TLL1: variants seen among roughly 807,000 people sequenced by gnomAD.
TLL1 encodes the protein tolloid-like protein 1.
In TLL1, 49 loss-of-function variants were observed where a neutral mutation model predicts 128.2. The observed-to-expected ratio is 0.38, with a 90% CI of 0.30 to 0.48. TLL1 has a LOEUF of 0.48. Among genes scored for constraint, TLL1 ranks in the 20% least tolerant of loss-of-function variants. The pLI, the probability that TLL1 is intolerant of heterozygous loss-of-function variation, is 0.96. For synonymous variants in TLL1, 454 were observed against 418.8 expected (o/e 1.08, Z -1.03); for missense variants, 1,123 against 1,242.0 (o/e 0.90, Z 1.44).
Position 166,104,094 on chromosome 4 carries a change from T to C in TLL1, c.*3218T>C, listed in dbSNP as rs920625603. 2.0e-5 allele frequency among the ~76,000 whole-genome samples: 3 copies of C among 151,938 alleles called. No homozygotes were observed. The highest frequency in any genetic ancestry group is 4.4e-5 in the Non-Finnish European group (3 of 67,912). On this transcript the variant is annotated 3_prime_UTR_variant, in exon 21 of 21. Coordinates refer to ENST00000061240, the MANE Select transcript of TLL1 (RefSeq NM_012464.5). ...ATGAGATTCAAATTCTGTTTAACTT[T>C]GTTTTAAAATAGCTTGGTCTCTTTT...
At chr4:165,967,137 G>A (rs1735423061) in intron 1 of TLL1, among the ~76,000 whole-genome samples, 1 of 152,168 alleles carries the variant, frequency 6.6e-6, no homozygotes, top group African/African-American at 2.4e-5. Flanking sequence ...ATTCGCTTTT[G>A]TAAGAAGAGA....
chr4:165,998,301 A>G (rs1188886041), intron 5 of TLL1, among the ~76,000 whole-genome samples: 2 of 152,118 alleles, frequency 1.3e-5, no homozygotes, highest in Non-Finnish European at 2.9e-5. Flanking sequence ...AGCTAAATAG[A>G]TTCTATTTAC....
chr4:165,880,692 C>T (rs1579435276), intron 1 of TLL1, among the ~76,000 whole-genome samples: 1 of 152,176 alleles, frequency 6.6e-6, no homozygotes, highest in African/African-American at 2.4e-5. Flanking sequence ...TATATTTACT[C>T]TCAGCATTTT....
intron 9 of TLL1, among the ~76,000 whole-genome samples, chr4:166,030,186 A>C (rs990825672): frequency 1.3e-5 from 2 of 152,108 alleles, no homozygotes; most frequent in African/African-American, 2.4e-5. Context: ...TAGCCATCCT[A>C]CTGGGTGTCA....
At chr4:166,003,296 A>G in intron 5 of TLL1, 95 bp from the exon 6 acceptor site, 1 of 1,260,364 alleles carries the variant, frequency 7.9e-7, no homozygotes, top group African/African-American at 1.5e-5. Context: ...GTCGGACTTT[A>G]TAGCTCATCA....
At chr4:165,936,203 TATA>T (rs1484381651) in intron 1 of TLL1, among the ~76,000 whole-genome samples, 1 of 144,176 alleles carries the variant, frequency 6.9e-6, no homozygotes, top group African/African-American at 2.6e-5. Context: ...TATATATATA[TATA>T]TTTTTTTTTC....
rs559505336 is a variant in TLL1, at chr4:166,021,722, C to T, written c.1043-3594C>T. Among the ~76,000 whole-genome samples, 104 of 152,252 alleles carry T rather than the reference C, an allele frequency of 6.8e-4. 1 individual carries two copies. The highest frequency in any genetic ancestry group is 2.2e-3 in the African/African-American group (92 of 41,566). ...CTGGGATTACAGGCGTAAGCCACCG[C>T]GCCTGGCCTATTTTTGCCCTCTTAG... On this transcript the variant is annotated intron_variant, in intron 8 of 20. Coordinates refer to ENST00000061240, the MANE Select transcript of TLL1 (RefSeq NM_012464.5).
chr4:166,050,807 T>A (rs959489842), intron 12 of TLL1, among the ~76,000 whole-genome samples: 2 of 152,196 alleles, frequency 1.3e-5, no homozygotes, highest in Non-Finnish European at 2.9e-5. Flanking sequence ...TTATTTTAGT[T>A]GTTGCTAAAT....
At chr4:166,065,567 T>G (rs1740530824) in intron 15 of TLL1, 116 bp from the exon 16 acceptor site, 17 of 1,128,212 alleles carry the variant, frequency 1.5e-5, no homozygotes, top group Non-Finnish European at 2.2e-5. Flanking sequence ...TACCTGTTAG[T>G]TCTAGTTTGA....
chr4:166,057,431 G>A (rs1740075792), intron 14 of TLL1, 122 bp downstream of exon 14: 2 of 1,396,984 alleles, frequency 1.4e-6, no homozygotes, highest in Admixed American at 2.0e-5. Context: ...TCCTCAATTA[G>A]TAAGACTCAA....
chr4:165,986,535 C>T (rs940366018), intron 1 of TLL1, among the ~76,000 whole-genome samples: 1 of 151,990 alleles, frequency 6.6e-6, no homozygotes, highest in Non-Finnish European at 1.5e-5. Flanking sequence ...TGCTTTCTCT[C>T]AAAGAAATAT....
At position 166,088,537 on chromosome 4, in the gene TLL1, G is replaced by C. The variant is rs550437045; in HGVS notation, c.2443-2591G>C. Among the ~76,000 whole-genome samples the C allele has an allele frequency of 3.9e-5, 6 of 152,118 alleles. No individual in the cohort carries two copies. The South Asian group carries it at 1.2e-3, about 32-fold the overall frequency. Reference sequence around the variant, plus strand: ...ATTAGTCACACCTTTGCTTGTGTGTGGTGGAGCTTTTAGTTCAGGCTGATT... The same window carrying C: ...ATTAGTCACACCTTTGCTTGTGTGTCGTGGAGCTTTTAGTTCAGGCTGATT... On this transcript the variant is annotated intron_variant, in intron 18 of 20. Coordinates refer to ENST00000061240, the MANE Select transcript of TLL1 (RefSeq NM_012464.5).
chr4:166,003,952 T>C (rs1002433665), intron 6 of TLL1, among the ~76,000 whole-genome samples: 1 of 152,010 alleles, frequency 6.6e-6, no homozygotes, highest in African/African-American at 2.4e-5. Context: ...AGGCCTGGGG[T>C]TTGCCATAAC....
At chr4:165,991,363 A>T (rs537141811) in intron 2 of TLL1, among the ~76,000 whole-genome samples, 38 of 152,148 alleles carry the variant, frequency 2.5e-4, no homozygotes, top group South Asian at 2.5e-3. Context: ...TTGAATTGCA[A>T]ACAATGTAAT....
rs921565167 is a variant in TLL1 at position 166,027,209 on chromosome 4, A to G, written c.1158+1778A>G. ...ACATTGAGCACCCATAGACACAAAC[A>G]TGGGAGTAATAGACACTGAAGACTA... On this transcript the variant is annotated intron_variant, in intron 9 of 20. Coordinates refer to ENST00000061240, the MANE Select transcript of TLL1 (RefSeq NM_012464.5). 6.6e-5 allele frequency among the ~76,000 whole-genome samples: 10 copies of G among 152,014 alleles called. No homozygotes were observed. The South Asian group carries it at 2.1e-3, about 32-fold the overall frequency.
chr4:165,977,106 T>G (rs1735919724), intron 1 of TLL1, among the ~76,000 whole-genome samples: 1 of 152,038 alleles, frequency 6.6e-6, no homozygotes, highest in Admixed American at 6.5e-5. Flanking sequence ...ATGTTAGAAG[T>G]TAGATTTTAG....
intron 12 of TLL1, among the ~76,000 whole-genome samples, chr4:166,046,235 T>A (rs187426201): frequency 5.3e-5 from 8 of 152,180 alleles, no homozygotes; most frequent in Non-Finnish European, 7.4e-5. Flanking sequence ...AATGAATATA[T>A]CCTTTATTAA....
At chr4:165,904,509 G>C (rs1732157315) in intron 1 of TLL1, among the ~76,000 whole-genome samples, 1 of 152,184 alleles carries the variant, frequency 6.6e-6, no homozygotes, top group Admixed American at 6.5e-5. Flanking sequence ...AGGGAAGAAG[G>C]AGGAATTAGA....
chr4:165,987,485 GT>G (rs1736440258), intron 1 of TLL1, among the ~76,000 whole-genome samples: 1 of 152,024 alleles, frequency 6.6e-6, no homozygotes, highest in Non-Finnish European at 1.5e-5. Flanking sequence ...CTTAGCTAGT[GT>G]TATAAACTAT....
Sources: gnomAD v4.1 joint callset for allele counts (sites outside exome capture counted in the v4.1 genomes callset) on GRCh38, gnomAD v4.1.1 for gene constraint, MANE v1.5 for transcripts, NCBI Gene and HGNC (gene_info 2026-07-23, HGNC 2026-07-21) for gene names.